The following CCDC85A variants were observed in gnomAD, a reference collection of about 807,000 sequenced individuals.
CCDC85A encodes the protein coiled-coil domain-containing protein 85A.
In CCDC85A, 38 loss-of-function variants were observed where a neutral mutation model predicts 50.2. That is an observed-to-expected ratio of 0.76 (90% CI 0.58 to 0.99). The LOEUF (loss-of-function observed/expected upper bound fraction) is 0.99. Among genes scored for constraint, CCDC85A ranks in the 50% least tolerant of loss-of-function variants. The pLI is 0.00. For missense variants in CCDC85A, 820 were observed against 742.0 expected, an observed-to-expected ratio of 1.11 and a Z score of -1.22; for synonymous variants, 366 against 301.4, an observed-to-expected ratio of 1.21 and a Z score of -2.22.
At chr2:56,314,610 A>C (rs1447019769) in intron 2 of CCDC85A, among the ~76,000 whole-genome samples, 1 of 151,660 alleles carries the variant, frequency 6.6e-6, no homozygotes, top group African/African-American at 2.4e-5. Flanking sequence ...TCTGAAACTG[A>C]TTGACCATGG....
At chr2:56,351,432 C>G (rs1183475233) in intron 3 of CCDC85A, among the ~76,000 whole-genome samples, 24 of 146,248 alleles carry the variant, frequency 1.6e-4, no homozygotes, top group African/African-American at 2.6e-4. Context: ...GCCACACTGA[C>G]TTCCACAATG....
chr2:56,201,079 CACACACACACACA>C lies in CCDC85A; in HGVS notation c.1240+7640_1240+7652del, dbSNP rs1363564145. 1.2e-3 allele frequency among the ~76,000 whole-genome samples: 170 copies of C among 137,982 alleles called. 1 individual carries two copies. The highest frequency in any genetic ancestry group is 1.8e-3 in the Admixed American group (24 of 13,502). 90.5% of individuals were successfully genotyped at this position (137,982 alleles called of 152,430 possible). On this transcript the variant is annotated intron_variant, in intron 2 of 5. Transcript: ENST00000407595. The stretch of plus-strand genomic sequence containing the variant: ...ATTTCAATTATTTCATCTCTCTCCA[CACACACACACACA>C]CACACACACACACACACACACACAC...
At chr2:56,337,792 C>CA (rs1553413576) in intron 2 of CCDC85A, among the ~76,000 whole-genome samples, 1 of 131,404 alleles carries the variant, frequency 7.6e-6, no homozygotes, top group Non-Finnish European at 1.6e-5. Flanking sequence ...TTTTTTTTTT[C>CA]TTTTTTTTTT....
intron 5 of CCDC85A, chr2:56,383,545 T>C: frequency 1.0e-6 from 1 of 976,842 alleles, no homozygotes; most frequent in Non-Finnish European, 1.2e-6. Context: ...TAACATATTG[T>C]AATTGTATCT....
intron 2 of CCDC85A, among the ~76,000 whole-genome samples, chr2:56,210,049 C>G (rs1299602360): frequency 6.6e-6 from 1 of 152,034 alleles, no homozygotes; most frequent in Non-Finnish European, 1.5e-5. Context: ...ATGATTCTTG[C>G]CTGACATTAT....
chr2:56,209,872 A>G lies in CCDC85A; in HGVS notation c.1240+16432A>G, dbSNP rs185826628. Among the ~76,000 whole-genome samples, 139 of 152,150 alleles carry G rather than the reference A, an allele frequency of 9.1e-4. 1 individual carries two copies. The highest frequency in any genetic ancestry group is 1.7e-3 in the Non-Finnish European group (118 of 67,950). ...GCTTTATAGGTCATAGATTCCAGGC[A>G]TGCCACTTGAGCTTATATGTATGAC... is the stretch of plus-strand genomic sequence containing the variant. On this transcript the variant is annotated intron_variant, in intron 2 of 5. Transcript: ENST00000407595.
At chr2:56,228,256 C>T (rs1668624274) in intron 2 of CCDC85A, among the ~76,000 whole-genome samples, 2 of 152,070 alleles carry the variant, frequency 1.3e-5, no homozygotes, top group South Asian at 4.2e-4. Context: ...GTGCAGCACA[C>T]CAACATGGCA....
chr2:56,184,259 C>A lies in CCDC85A; in HGVS notation c.-366C>A. 1.1e-6 allele frequency: 1 copy of A among 925,460 alleles called. No individual in the cohort carries two copies. The allele number at this position is 925,460 out of a possible 1,614,324, so 57.3% of individuals were successfully genotyped here. A position where few individuals can be genotyped will look rare whatever the true frequency, so the allele number is the denominator to read the frequency against. Reference sequence around the variant, plus strand: ...AGAGTGCGGGGGGCGACAGTCTCGGCTTAGGGCGGAGGAGAGGGCAGGGGA... The same window carrying A: ...AGAGTGCGGGGGGCGACAGTCTCGGATTAGGGCGGAGGAGAGGGCAGGGGA... On this transcript the variant is annotated 5_prime_UTR_variant, in exon 1 of 6. Transcript: ENST00000407595.
intron 3 of CCDC85A, among the ~76,000 whole-genome samples, chr2:56,346,206 C>A (rs1014180420): frequency 3.9e-5 from 6 of 152,104 alleles, no homozygotes; most frequent in African/African-American, 1.4e-4. Context: ...TTTGCCCTAG[C>A]AATATAAATA....
intron 2 of CCDC85A, among the ~76,000 whole-genome samples, chr2:56,274,306 T>C (rs1464648279): frequency 6.6e-6 from 1 of 152,124 alleles, no homozygotes; most frequent in Non-Finnish European, 1.5e-5. Context: ...GTGTGTGTAT[T>C]ATATATATAG....
intron 2 of CCDC85A, among the ~76,000 whole-genome samples, chr2:56,288,298 CT>C (rs11299844): frequency 0.2 from 29,202 of 142,764 alleles, 3,494 homozygotes; most frequent in African/African-American, 0.36. Flanking sequence ...TCCTTTGGTT[CT>C]TTTTTTTTTT....
At chr2:56,363,987 T>G (rs77894238) in intron 3 of CCDC85A, among the ~76,000 whole-genome samples, 2 of 152,236 alleles carry the variant, frequency 1.3e-5, no homozygotes, top group Non-Finnish European at 2.9e-5. Context: ...ACCAGCCTGA[T>G]TGAAAAGCAA....
intron 2 of CCDC85A, among the ~76,000 whole-genome samples, chr2:56,249,433 G>A (rs1669652800): frequency 6.6e-6 from 1 of 152,248 alleles, no homozygotes; most frequent in Admixed American, 6.5e-5. Context: ...TACAGAGCAG[G>A]AGGGTAGAGT....
chr2:56,309,233 G>C (rs186306725), intron 2 of CCDC85A, among the ~76,000 whole-genome samples: 1 of 152,264 alleles, frequency 6.6e-6, no homozygotes, highest in African/African-American at 2.4e-5. Context: ...TTTATGATAT[G>C]AGACCTTTCT....
chr2:56,269,043 A>G (rs1573138649), intron 2 of CCDC85A, among the ~76,000 whole-genome samples: 1 of 152,110 alleles, frequency 6.6e-6, no homozygotes, highest in African/African-American at 2.4e-5. Flanking sequence ...GGCTCTGAAT[A>G]CTTATTTCAG....
intron 2 of CCDC85A, among the ~76,000 whole-genome samples, chr2:56,218,712 A>G (rs993284636): frequency 5.3e-5 from 8 of 151,866 alleles, no homozygotes; most frequent in Admixed American, 2.0e-4. Flanking sequence ...ATCATCATCT[A>G]GTGATGATGT....
At chr2:56,202,890 G>T (rs967970755) in intron 2 of CCDC85A, among the ~76,000 whole-genome samples, 13 of 152,156 alleles carry the variant, frequency 8.5e-5, no homozygotes, top group African/African-American at 3.1e-4. Context: ...ACCCTGAAAG[G>T]CAAGTCATTA....
intron 2 of CCDC85A, among the ~76,000 whole-genome samples, chr2:56,311,833 C>G (rs1039563153): frequency 3.3e-5 from 5 of 152,098 alleles, no homozygotes; most frequent in Admixed American, 6.6e-5. Context: ...TCATAGCGCT[C>G]TATTTCTGCT....
chr2:56,288,633 C>G (rs1043576738), intron 2 of CCDC85A, among the ~76,000 whole-genome samples: 1 of 152,048 alleles, frequency 6.6e-6, no homozygotes, highest in South Asian at 2.1e-4. Context: ...TATTTTCCAA[C>G]ACACCGATAG....
Sources: allele counts gnomAD v4.1 joint callset (sites outside exome capture counted in the v4.1 genomes callset), GRCh38; gene constraint gnomAD v4.1.1; transcripts MANE v1.5; gene names NCBI Gene and HGNC (gene_info 2026-07-23, HGNC 2026-07-21).